The following ZNF710 variants were observed in gnomAD, a reference collection of about 807,000 sequenced individuals.
ZNF710 encodes the protein zinc finger protein 710.
Under a neutral mutation model 50.6 loss-of-function variants are expected in ZNF710, and 13 were observed. That is an observed-to-expected ratio of 0.26 (90% CI 0.17 to 0.41). ZNF710 has a LOEUF of 0.41. Ranked by LOEUF, ZNF710 falls within the 10% of genes least tolerant of loss-of-function variation. The pLI, the probability that ZNF710 is intolerant of heterozygous loss-of-function variation, is 1.00. For synonymous variants in ZNF710, 383 were observed against 397.0 expected (o/e 0.96, Z 0.42); for missense variants, 721 against 936.6 (o/e 0.77, Z 3.01).
chr15:90,054,809 A>G (rs10152429), intron 1 of ZNF710, among the ~76,000 whole-genome samples: 11,612 of 152,096 alleles, frequency 0.076, 1,505 homozygotes, highest in African/African-American at 0.26. Context: ...TTGCTTCTGG[A>G]CTTGGAGGAA....
intron 1 of ZNF710, among the ~76,000 whole-genome samples, chr15:90,003,680 T>A (rs746545515): frequency 1.5e-4 from 23 of 152,048 alleles, no homozygotes; most frequent in Non-Finnish European, 2.9e-4. Flanking sequence ...AAACCTAGAG[T>A]GGCCATTCCT....
intron 4 of ZNF710, 36 bp from the exon 5 acceptor site, chr15:90,079,624 A>T (rs1900673874): frequency 1.9e-6 from 3 of 1,598,498 alleles, no homozygotes; most frequent in Non-Finnish European, 2.6e-6. Flanking sequence ...CTCCCGAGAG[A>T]TGGCAGCCAG....
In ZNF710 at chr15:90,079,719, G is replaced by A. The variant is rs2151543004; in HGVS notation, c.1885G>A (p.Glu629Lys). ...PSELDGQQEMEDFEENAYSYA... is the reference protein window; with the variant it reads ...PSELDGQQEMKDFEENAYSYA... ...AGAGCTCGACGGCCAGCAGGAGATG[G>A]AGGACTTCGAGGAGAACGCCTACAG... is the stretch of plus-strand genomic sequence containing the variant. The change falls in exon 5 of 5, where the codon GAG becomes AAG. Residue 629 changes from glutamate to lysine, a missense_variant. Glu to Lys is a moderately conservative substitution (Grantham distance 56, BLOSUM62 1). This residue lies in a region of ZNF710 where 69 missense variants were observed against 67.6 expected (regional missense o/e 1.02). Coordinates refer to ENST00000268154, the MANE Select transcript of ZNF710 (RefSeq NM_198526.4). The A allele has an allele frequency of 1.2e-6, 2 of 1,613,984 alleles. No individual in the cohort carries two copies. Among genetic ancestry groups the A allele is most frequent in the Non-Finnish European group, 1.7e-6 (2 of 1,179,948 alleles).
chr15:90,042,966 C>G (rs1160362252), intron 1 of ZNF710, among the ~76,000 whole-genome samples: 1 of 152,270 alleles, frequency 6.6e-6, no homozygotes, highest in Non-Finnish European at 1.5e-5. Context: ...GACCCAACAG[C>G]TGGTGGCCTG....
chr15:90,032,970 G>C lies in ZNF710; in HGVS notation c.-29+31356G>C, dbSNP rs181944728. ...CTCTGTGGCTAGAATTTTCACTTAAGAGGAAATATATATCTGCATTTAAAA... is the reference window on the plus strand; with the variant it reads ...CTCTGTGGCTAGAATTTTCACTTAACAGGAAATATATATCTGCATTTAAAA... On this transcript the variant is annotated intron_variant, in intron 1 of 4. Coordinates refer to ENST00000268154, the MANE Select transcript of ZNF710 (RefSeq NM_198526.4). Among the ~76,000 whole-genome samples, 1,392 of 152,280 alleles carry C rather than the reference G, an allele frequency of 9.1e-3. 23 individuals are homozygous for C. Among genetic ancestry groups the C allele is most frequent in the African/African-American group, 0.03 (1,262 of 41,546 alleles).
intron 2 of ZNF710, among the ~76,000 whole-genome samples, chr15:90,070,778 C>T (rs1362327675): frequency 1.3e-5 from 2 of 152,202 alleles, no homozygotes; most frequent in Non-Finnish European, 2.9e-5. Context: ...GTGATTGCGC[C>T]ACTGCACTCC....
intron 4 of ZNF710, among the ~76,000 whole-genome samples, chr15:90,077,632 C>G (rs1900624820): frequency 6.6e-6 from 1 of 152,098 alleles, no homozygotes; most frequent in African/African-American, 2.4e-5. Context: ...CAGCCCAAAT[C>G]TATAAGATAT....
intron 4 of ZNF710, among the ~76,000 whole-genome samples, chr15:90,077,323 A>C (rs1900616981): frequency 6.8e-6 from 1 of 147,356 alleles, no homozygotes; most frequent in African/African-American, 2.5e-5. Context: ...GGCTCACTGC[A>C]AGCTCCACCT....
chr15:90,010,928 G>GTTTTTTTTTT (rs11341248), intron 1 of ZNF710, among the ~76,000 whole-genome samples: 3 of 79,072 alleles, frequency 3.8e-5, no homozygotes, highest in African/African-American at 5.3e-5. Flanking sequence ...TTGGTTTTTT[G>GTTTTTTTTTT]TTTTTTTTTT....
At chr15:90,055,708 A>G (rs1596291843) in intron 1 of ZNF710, among the ~76,000 whole-genome samples, 1 of 152,204 alleles carries the variant, frequency 6.6e-6, no homozygotes, top group African/African-American at 2.4e-5. Context: ...GCCCCGTACA[A>G]TCTCCTGTGC....
intron 1 of ZNF710, among the ~76,000 whole-genome samples, chr15:90,056,298 C>T (rs962204181): frequency 6.6e-6 from 1 of 151,798 alleles, no homozygotes; most frequent in African/African-American, 2.4e-5. Context: ...CCTGTAATCC[C>T]AGCTACTCAG....
At position 90,080,439 on chromosome 15, in the gene ZNF710, A is replaced by G. The variant is rs547091531; in HGVS notation, c.*610A>G. 1 of 152,906 alleles carries G rather than the reference A, an allele frequency of 6.5e-6. No homozygotes were observed. Among genetic ancestry groups the G allele is most frequent in the Admixed American group, 6.5e-5 (1 of 15,294 alleles). The allele number at this position is 152,906 out of a possible 1,614,324, so 9.5% of individuals were successfully genotyped here. On this transcript the variant is annotated 3_prime_UTR_variant, in exon 5 of 5. Transcript: ENST00000268154. ...CTGGCCTGCAGGACAGCTGGGGGGC[A>G]CCCAGCCCCCAGAAGACCCCTGTCC...
Position 90,001,634 on chromosome 15 carries a change from C to G in ZNF710, c.-29+20C>G, listed in dbSNP as rs1293228036. 2.1e-5 allele frequency: 3 copies of G among 144,116 alleles called. No homozygotes were observed. Among genetic ancestry groups the G allele is most frequent in the African/African-American group, 5.0e-5 (2 of 40,068 alleles). The allele number at this position is 144,116 out of a possible 1,614,324, so 8.9% of individuals were successfully genotyped here. ...CCCAGGGTGAGTGTCCCGCGCGGCC[C>G]CCCGCCCCAGCCCCAGCCCCAGCCC... On this transcript the variant is annotated intron_variant, in intron 1 of 4. Transcript: ENST00000268154.
intron 1 of ZNF710, among the ~76,000 whole-genome samples, chr15:90,048,759 T>C (rs1320475439): frequency 6.6e-6 from 1 of 152,210 alleles, no homozygotes; most frequent in Non-Finnish European, 1.5e-5. Context: ...AGGTAGCATC[T>C]GTGACGAGAC....
At chr15:90,030,329 CAAAAAAAAAAAAA>C (rs10685083) in intron 1 of ZNF710, among the ~76,000 whole-genome samples, 1 of 50,506 alleles carries the variant, frequency 2.0e-5, no homozygotes, top group South Asian at 8.4e-4. Flanking sequence ...AACTCCATCT[CAAAAAAAAAAAAA>C]AAAAAAAAAA....
intron 2 of ZNF710, among the ~76,000 whole-genome samples, chr15:90,070,366 T>A (rs1487954686): frequency 1.4e-4 from 20 of 145,870 alleles, no homozygotes; most frequent in Non-Finnish European, 1.8e-4. Flanking sequence ...TTTTTTTTTT[T>A]AAGAAAAAAA....
intron 1 of ZNF710, among the ~76,000 whole-genome samples, chr15:90,028,006 T>C (rs547650688): frequency 2.0e-5 from 3 of 152,332 alleles, no homozygotes; most frequent in Admixed American, 1.3e-4. Flanking sequence ...TAATATTTGT[T>C]GACTCTATTG....
chr15:90,068,882 C>G lies in ZNF710; in HGVS notation c.1458+287C>G, dbSNP rs1223023909. ...CCAAGGCAGGCAGATTGCTTGAGTC[C>G]TGGGGTTTGAGACCAGCCTGGGCAA... On this transcript the variant is annotated intron_variant, in intron 2 of 4. Transcript: ENST00000268154. The surrounding 1 kb of genome is among the most constrained non-coding windows in gnomAD (Gnocchi z 5.0). Among the ~76,000 whole-genome samples, 4 of 152,108 alleles carry G rather than the reference C, an allele frequency of 2.6e-5. No homozygotes were observed. Among genetic ancestry groups the G allele is most frequent in the Non-Finnish European group, 5.9e-5 (4 of 68,018 alleles).
chr15:90,021,390 G>A (rs927083880), intron 1 of ZNF710, among the ~76,000 whole-genome samples: 1 of 152,186 alleles, frequency 6.6e-6, no homozygotes, highest in Admixed American at 6.5e-5. Flanking sequence ...TTCACAGCCT[G>A]TAAAATGGGT....
Sources: gnomAD v4.1 joint callset for allele counts (sites outside exome capture counted in the v4.1 genomes callset) on GRCh38, gnomAD v4.1.1 for gene constraint, gnomAD v4.1.1 regional missense constraint, Gnocchi (gnomAD v3.1) non-coding constraint, MANE v1.5 for transcripts, NCBI Gene and HGNC (gene_info 2026-07-23, HGNC 2026-07-21) for gene names.